C2orf49: variants seen among roughly 807,000 people sequenced by gnomAD.
The protein encoded by C2orf49 is tRNA splicing ligase complex subunit 2.
C2orf49 carries 11 observed loss-of-function variants against 20.6 expected under a neutral mutation model. That is an observed-to-expected ratio of 0.53 (90% CI 0.34 to 0.88). The LOEUF is 0.88. C2orf49 is among the 40% of genes least tolerant of loss of function. The probability of loss-of-function intolerance (pLI) is 0.02; values close to 1 mark genes in which losing one functional copy is unlikely to be tolerated. For synonymous variants in C2orf49, 134 were observed against 108.5 expected, an observed-to-expected ratio of 1.24 and a Z score of -1.46; for missense variants, 289 against 274.2, an observed-to-expected ratio of 1.05 and a Z score of -0.38.
chr2:105,342,864 G>C lies in C2orf49; in HGVS notation c.283G>C (p.Gly95Arg). The C allele has an allele frequency of 6.2e-7, 1 of 1,613,358 alleles. No homozygotes were observed. Among genetic ancestry groups the C allele is most frequent in the Non-Finnish European group, 8.5e-7 (1 of 1,179,426 alleles). Reference sequence around the variant, plus strand: ...TGATTTCAGGAGTAGCACTGTAGATGGGTTAAGGAAAAGACCCCTCATCGT... The same window carrying C: ...TGATTTCAGGAGTAGCACTGTAGATCGGTTAAGGAAAAGACCCCTCATCGT... The part of the protein sequence containing the change: ...NETKRSSTVD[G>R]LRKRPLIVFD... The change falls in exon 3 of 4, where the codon GGG becomes CGG. Residue 95 changes from glycine (G) to arginine (R), a missense_variant. Physicochemically the swap from Gly to Arg is moderately radical, Grantham distance 125. Coordinates refer to ENST00000258457, the MANE Select transcript of C2orf49 (RefSeq NM_024093.3).
the C2orf49 span, chr2:105,361,298 A>G: frequency 6.2e-7 from 1 of 1,613,214 alleles, no homozygotes; most frequent in Non-Finnish European, 8.5e-7. Context: ...TGTCTTTCCC[A>G]CAGTCGGGGC....
chr2:105,341,368 A>C (rs529018993), intron 2 of C2orf49, among the ~76,000 whole-genome samples: 1 of 152,344 alleles, frequency 6.6e-6, no homozygotes, highest in East Asian at 1.9e-4. Context: ...AGAGCATTAA[A>C]ACTGGAAGGA....
At chr2:105,339,122 C>T (rs1376604780) in intron 1 of C2orf49, among the ~76,000 whole-genome samples, 1 of 152,162 alleles carries the variant, frequency 6.6e-6, no homozygotes, top group African/African-American at 2.4e-5. Context: ...TAGGAAGCAC[C>T]AGATTAGAGA....
the C2orf49 span, chr2:105,367,595 G>A: frequency 6.2e-7 from 1 of 1,614,048 alleles, no homozygotes. Flanking sequence ...GCACTGCATG[G>A]CATGTTGTTT....
chr2:105,342,761 G>GT, intron 2 of C2orf49, 87 bp from the exon 3 acceptor site: 1 of 1,387,552 alleles, frequency 7.2e-7, no homozygotes, highest in Non-Finnish European at 9.7e-7. Context: ...AAATCTTTTT[G>GT]TTTACTGCTT....
At chr2:105,376,989 A>G in the C2orf49 span, among the ~76,000 whole-genome samples, 1 of 152,256 alleles carries the variant, frequency 6.6e-6, no homozygotes, top group African/African-American at 2.4e-5. Context: ...GACAGAAAGT[A>G]GAAGAGTGGT....
At chr2:105,366,630 G>A in the C2orf49 span, among the ~76,000 whole-genome samples, 4 of 152,230 alleles carry the variant, frequency 2.6e-5, no homozygotes, top group Admixed American at 6.5e-5. Flanking sequence ...GGTGCAGGTC[G>A]GGGGGCAACT....
At chr2:105,351,735 A>T (rs34659299), downstream of C2orf49, among the ~76,000 whole-genome samples, 4,543 of 152,240 alleles carry the variant, frequency 0.03, 101 homozygotes, top group Middle Eastern at 0.071. Flanking sequence ...AGAATGAGCC[A>T]TTTCTCTAAG....
the C2orf49 span, among the ~76,000 whole-genome samples, chr2:105,365,132 T>A: frequency 5.3e-5 from 8 of 152,158 alleles, no homozygotes; most frequent in Non-Finnish European, 1.2e-4. Context: ...AGCATGACTT[T>A]CTCAGAGACT....
At chr2:105,384,313 A>G in the C2orf49 span, among the ~76,000 whole-genome samples, 1 of 152,208 alleles carries the variant, frequency 6.6e-6, no homozygotes, top group Non-Finnish European at 1.5e-5. Context: ...ATGAAAAGCG[A>G]CAAAGAGAGA....
chr2:105,380,563 C>A, the C2orf49 span, among the ~76,000 whole-genome samples: 1 of 152,150 alleles, frequency 6.6e-6, no homozygotes, highest in Non-Finnish European at 1.5e-5. Context: ...AGCTCCAAAC[C>A]GATTTTTAGT....
the C2orf49 span, chr2:105,375,256 T>C: frequency 1.3e-5 from 2 of 152,210 alleles, no homozygotes; most frequent in Non-Finnish European, 2.9e-5. Flanking sequence ...GCATTTTGTT[T>C]TAGTTCAAGG....
the C2orf49 span, among the ~76,000 whole-genome samples, chr2:105,371,383 A>G: frequency 1.6e-3 from 243 of 152,268 alleles, 1 homozygote; most frequent in African/African-American, 5.7e-3. Flanking sequence ...TCAAGACTGC[A>G]ATAGACACAC....
At chr2:105,377,846 C>T in the C2orf49 span, 1 of 353,244 alleles carries the variant, frequency 2.8e-6, no homozygotes, top group Non-Finnish European at 5.6e-6. Flanking sequence ...GGAGGAGATC[C>T]TTGGCCTCTC....
At chr2:105,372,429 G>A in the C2orf49 span, among the ~76,000 whole-genome samples, 3 of 152,084 alleles carry the variant, frequency 2.0e-5, no homozygotes, top group Admixed American at 2.0e-4. Flanking sequence ...GTTTTACCAT[G>A]TTAGCCTGGC....
In C2orf49 at chr2:105,339,703, A is replaced by G; in HGVS notation, c.220A>G (p.Met74Val). 1.2e-6 allele frequency: 2 copies of G among 1,606,368 alleles called. No homozygotes were observed. The highest frequency in any genetic ancestry group is 1.7e-6 in the Non-Finnish European group (2 of 1,178,486). ...DLPKNRWGKM[M>V]EKKREQHEIK... ...GCCGAAGAATAGATGGGGGAAAATGATGGAAAAGAAAAGAGAACAACATGA... is the reference window on the plus strand; with the variant it reads ...GCCGAAGAATAGATGGGGGAAAATGGTGGAAAAGAAAAGAGAACAACATGA... The change falls in exon 2 of 4, where the codon ATG (methionine) becomes GTG (valine). Residue 74 changes from methionine (M) to valine (V), a missense_variant. By Grantham distance (21) the Met-to-Val change is conservative (BLOSUM62 1). Coordinates refer to ENST00000258457, the MANE Select transcript of C2orf49 (RefSeq NM_024093.3).
At chr2:105,343,386 C>G (rs569693231) in intron 3 of C2orf49, among the ~76,000 whole-genome samples, 163 bp downstream of exon 3, 1 of 152,144 alleles carries the variant, frequency 6.6e-6, no homozygotes, top group African/African-American at 2.4e-5. Flanking sequence ...GTACTTGAAT[C>G]CTGGAATTTA....
the C2orf49 span, chr2:105,363,438 G>A: frequency 6.2e-7 from 1 of 1,611,884 alleles, no homozygotes. Context: ...TGCCAGGGCT[G>A]CTCCCGGTAA....
chr2:105,363,185 T>G, the C2orf49 span: 1 of 1,126,118 alleles, frequency 8.9e-7, no homozygotes, highest in Non-Finnish European at 1.3e-6. Flanking sequence ...CTTAGGGAGG[T>G]CTGGGGAGTT....
Sources: gnomAD v4.1 joint callset for allele counts (sites outside exome capture counted in the v4.1 genomes callset) on GRCh38, gnomAD v4.1.1 for gene constraint, MANE v1.5 for transcripts, NCBI Gene and HGNC (gene_info 2026-07-23, HGNC 2026-07-21) for gene names.